PLEKHA6: variants seen among roughly 807,000 people sequenced by gnomAD.
PLEKHA6 encodes the protein pleckstrin homology domain containing A6.
In PLEKHA6, 60 loss-of-function variants were observed where a neutral mutation model predicts 116.7. The observed-to-expected ratio is 0.51, with a 90% CI of 0.42 to 0.64. PLEKHA6 has a LOEUF of 0.64. Ranked by LOEUF, PLEKHA6 falls within the 30% of genes least tolerant of loss-of-function variation. The pLI, the probability that PLEKHA6 is intolerant of heterozygous loss-of-function variation, is 0.00. For synonymous variants in PLEKHA6, 489 were observed against 556.1 expected, an observed-to-expected ratio of 0.88 and a Z score of 1.70; for missense variants, 1,338 against 1,422.7, an observed-to-expected ratio of 0.94 and a Z score of 0.96.
At chr1:204,265,972 T>G (rs1666764247) in intron 5 of PLEKHA6, among the ~76,000 whole-genome samples, 1 of 152,092 alleles carries the variant, frequency 6.6e-6, no homozygotes, top group Non-Finnish European at 1.5e-5. Context: ...GGGGGACAAT[T>G]ATGAGACTAT....
intron 3 of PLEKHA6, among the ~76,000 whole-genome samples, chr1:204,269,321 G>A (rs911303731): frequency 1.0e-4 from 6 of 60,234 alleles, no homozygotes; most frequent in Non-Finnish European, 1.6e-4. Flanking sequence ...ATATCAACCC[G>A]GCTCTCAGAA....
intron 1 of PLEKHA6, among the ~76,000 whole-genome samples, chr1:204,351,347 C>A (rs2103364272): frequency 6.6e-6 from 1 of 152,332 alleles, no homozygotes; most frequent in African/African-American, 2.4e-5. Context: ...ATCACCCAAG[C>A]CGAACCCGAC....
intron 15 of PLEKHA6, among the ~76,000 whole-genome samples, chr1:204,244,054 C>T (rs996802988): frequency 1.3e-5 from 2 of 151,806 alleles, no homozygotes; most frequent in Non-Finnish European, 2.9e-5. Flanking sequence ...ATCTCCTGAC[C>T]TCGTGATCCA....
intron 1 of PLEKHA6, chr1:204,320,628 GCTC>G (rs1459036951): frequency 1.5e-5 from 3 of 205,220 alleles, no homozygotes; most frequent in Non-Finnish European, 2.6e-5. Context: ...GGGCCCCACA[GCTC>G]CTCCTTCTTT....
intron 1 of PLEKHA6, among the ~76,000 whole-genome samples, chr1:204,348,329 C>T (rs952075690): frequency 1.3e-5 from 2 of 152,192 alleles, no homozygotes; most frequent in African/African-American, 4.8e-5. Context: ...CTCCCTTCAA[C>T]ACAGGGCAGG....
chr1:204,228,063 C>A lies in PLEKHA6; in HGVS notation c.3031+20G>T. On this transcript the variant is annotated intron_variant, in intron 21 of 22. Transcript: ENST00000272203. This position sits in a 1 kb window ranked among gnomAD's most constrained non-coding sequence, Gnocchi z 4.0. ...AGCTGGTTTCCCTGGCAGGGTGGAGCGAGGCCCAGCCCCTCTCACCAGACA... is the reference window on the plus strand; with the variant it reads ...AGCTGGTTTCCCTGGCAGGGTGGAGAGAGGCCCAGCCCCTCTCACCAGACA... 1.2e-6 allele frequency: 2 copies of A among 1,607,818 alleles called. No individual in the cohort carries two copies. Among genetic ancestry groups the A allele is most frequent in the Non-Finnish European group, 1.7e-6 (2 of 1,177,302 alleles).
At chr1:204,372,064 G>T (rs61119881) in intron 1 of PLEKHA6, among the ~76,000 whole-genome samples, 1 of 152,186 alleles carries the variant, frequency 6.6e-6, no homozygotes, top group South Asian at 2.1e-4. Flanking sequence ...GCAGCTTCTC[G>T]AATGGATAAG....
rs1297456380 is a variant in PLEKHA6 at position 204,257,929 on chromosome 1, C to T, written c.1008-60G>A. The T allele has an allele frequency of 1.3e-6, 2 of 1,492,104 alleles. No individual in the cohort carries two copies. Among genetic ancestry groups the T allele is most frequent in the Non-Finnish European group, 1.8e-6 (2 of 1,097,040 alleles). The allele number at this position is 1,492,104 out of a possible 1,614,324, so 92.4% of individuals were successfully genotyped here. A position where few individuals can be genotyped will look rare whatever the true frequency, so the allele number is the denominator to read the frequency against. ...AACACGGGCACCCCTCCACCCACCCCAGCCCCACCTCCAGGTCCCCCAGCC... is the reference window on the plus strand; with the variant it reads ...AACACGGGCACCCCTCCACCCACCCTAGCCCCACCTCCAGGTCCCCCAGCC... On this transcript the variant is annotated intron_variant, in intron 8 of 22. Transcript: ENST00000272203. This position sits in a 1 kb window ranked among gnomAD's most constrained non-coding sequence, Gnocchi z 6.5.
chr1:204,292,079 G>C lies in PLEKHA6; in HGVS notation c.-94-17270C>G, dbSNP rs149167540. Among the ~76,000 whole-genome samples the C allele has an allele frequency of 4.4e-4, 67 of 152,334 alleles. 1 individual carries two copies. The highest frequency in any genetic ancestry group is 6.8e-3 in the Middle Eastern group (2 of 294). Reference sequence around the variant, plus strand: ...GACAGAAATGCTGGTTACAGGCAGAGATGAACATGTGTCCTGAATCCGCCT... The same window carrying C: ...GACAGAAATGCTGGTTACAGGCAGACATGAACATGTGTCCTGAATCCGCCT... On this transcript the variant is annotated intron_variant, in intron 1 of 22. Coordinates refer to ENST00000272203, the MANE Select transcript of PLEKHA6 (RefSeq NM_014935.5).
chr1:204,335,994 A>C (rs934766118), intron 1 of PLEKHA6, among the ~76,000 whole-genome samples: 1 of 152,086 alleles, frequency 6.6e-6, no homozygotes, highest in African/African-American at 2.4e-5. Context: ...CCCAATGTAA[A>C]CTTCTCTAGT....
At chr1:204,340,337 G>A (rs1404267266) in intron 1 of PLEKHA6, among the ~76,000 whole-genome samples, 4 of 152,164 alleles carry the variant, frequency 2.6e-5, no homozygotes, top group Admixed American at 6.5e-5. Flanking sequence ...TCTCTCTCGT[G>A]CCTGCAATTA....
At chr1:204,333,217 G>A (rs919438158) in intron 1 of PLEKHA6, among the ~76,000 whole-genome samples, 5 of 152,204 alleles carry the variant, frequency 3.3e-5, no homozygotes, top group African/African-American at 1.2e-4. Flanking sequence ...GGGGCAGGGA[G>A]GAATGATCTG....
chr1:204,342,709 G>T lies in PLEKHA6; in HGVS notation c.-95+16985C>A, dbSNP rs984099620. The stretch of plus-strand genomic sequence containing the variant: ...TGAAAACAGTCACTCTGATTATGCT[G>T]TGGGCATCTGTGTCTTTTCCCCTAT... On this transcript the variant is annotated intron_variant, in intron 1 of 22. Coordinates refer to ENST00000272203, the MANE Select transcript of PLEKHA6 (RefSeq NM_014935.5). Among the ~76,000 whole-genome samples, 3 of 152,248 alleles carry T rather than the reference G, an allele frequency of 2.0e-5. No individual in the cohort carries two copies. In the South Asian group the frequency reaches 6.2e-4, roughly 32 times the overall value.
chr1:204,336,633 G>C lies in PLEKHA6; in HGVS notation c.-95+23061C>G, dbSNP rs144078267. ...GGGAAAATACTTAGATCATGCACTAGGCCAACTTGCATACTGCCCAGCTTG... is the reference window on the plus strand; with the variant it reads ...GGGAAAATACTTAGATCATGCACTACGCCAACTTGCATACTGCCCAGCTTG... On this transcript the variant is annotated intron_variant, in intron 1 of 22. Coordinates refer to ENST00000272203, the MANE Select transcript of PLEKHA6 (RefSeq NM_014935.5). Among the ~76,000 whole-genome samples the C allele has an allele frequency of 3.5e-4, 54 of 152,216 alleles. 1 individual carries two copies. The East Asian group carries it at 7.3e-3, about 21-fold the overall frequency.
chr1:204,318,521 C>T (rs528146845), intron 1 of PLEKHA6, among the ~76,000 whole-genome samples: 9 of 152,298 alleles, frequency 5.9e-5, no homozygotes, highest in East Asian at 3.9e-4. Context: ...GGCCGGCCCT[C>T]GGAAGTTTTG....
chr1:204,360,086 T>C (rs1436435559), upstream of PLEKHA6, among the ~76,000 whole-genome samples: 2 of 152,362 alleles, frequency 1.3e-5, no homozygotes, highest in Middle Eastern at 6.8e-3. Flanking sequence ...CCACGCAGCC[T>C]GCCTGCCCGG....
Position 204,223,478 on chromosome 1 carries a change from G to C in PLEKHA6, c.3139C>G (p.Arg1047Gly). 6.5e-7 allele frequency: 1 copy of C among 1,538,320 alleles called. No homozygotes were observed. The highest frequency in any genetic ancestry group is 8.8e-7 in the Non-Finnish European group (1 of 1,134,958). Residue 1047 changes from arginine to glycine, a missense_variant, in exon 22 of 23, where the codon CGG (arginine) becomes GGG (glycine). Transcript: ENST00000272203. This position sits in a 1 kb window ranked among gnomAD's most constrained non-coding sequence, Gnocchi z 4.8. ...PRGADSSYTM[R>G]V is the part of the protein sequence containing the mutation. ...AGTGCTTACGTCAGAGCTCAGACCCGCATGGTATAGCTGCTGTCGGCGCCC... is the reference window on the plus strand; with the variant it reads ...AGTGCTTACGTCAGAGCTCAGACCCCCATGGTATAGCTGCTGTCGGCGCCC...
chr1:204,351,703 G>A (rs1008923474), intron 1 of PLEKHA6, among the ~76,000 whole-genome samples: 1 of 152,182 alleles, frequency 6.6e-6, no homozygotes, highest in Non-Finnish European at 1.5e-5. Flanking sequence ...TAGAGAAGGT[G>A]AGGGACTTAC....
intron 1 of PLEKHA6, among the ~76,000 whole-genome samples, chr1:204,318,666 T>C (rs550394976): frequency 6.6e-6 from 1 of 152,278 alleles, no homozygotes; most frequent in African/African-American, 2.4e-5. Flanking sequence ...CAATATAAAG[T>C]CCAGAGCTTT....
Sources: allele counts gnomAD v4.1 joint callset (sites outside exome capture counted in the v4.1 genomes callset), GRCh38; gene constraint gnomAD v4.1.1; non-coding constraint Gnocchi (gnomAD v3.1); transcripts MANE v1.5; gene names NCBI Gene and HGNC (gene_info 2026-07-23, HGNC 2026-07-21).